CTNNA2: variants seen among roughly 807,000 people sequenced by gnomAD.
The protein encoded by CTNNA2 is catenin alpha 2, also known as catenin alpha-2.
A neutral mutation model predicts 101.0 loss-of-function variants in CTNNA2; 42 were observed. The ratio of observed to expected loss-of-function variants is 0.42; its 90% confidence interval spans 0.32 to 0.54. CTNNA2 has a LOEUF of 0.54. Among genes scored for constraint, CTNNA2 ranks in the 20% least tolerant of loss-of-function variants. The pLI is 0.14. For synonymous variants in CTNNA2, 450 were observed against 456.4 expected, an observed-to-expected ratio of 0.99 and a Z score of 0.18; for missense variants, 871 against 1,223.1, an observed-to-expected ratio of 0.71 and a Z score of 4.29.
intron 18 of CTNNA2, among the ~76,000 whole-genome samples, chr2:80,636,470 A>G (rs983213213): frequency 6.6e-6 from 1 of 152,142 alleles, no homozygotes; most frequent in Non-Finnish European, 1.5e-5. Flanking sequence ...TTTGGTAGGC[A>G]CTTCCAAACA....
At chr2:80,282,861 T>A (rs1295938292) in intron 7 of CTNNA2, among the ~76,000 whole-genome samples, 2 of 152,056 alleles carry the variant, frequency 1.3e-5, no homozygotes, top group African/African-American at 4.8e-5. Context: ...GCACTCCAGA[T>A]GGTTCAAGTT....
At chr2:79,817,316 C>CTT (rs550422225) in intron 3 of CTNNA2, among the ~76,000 whole-genome samples, 2,256 of 73,542 alleles carry the variant, frequency 0.031, 263 homozygotes, top group African/African-American at 0.064. Context: ...TTCTCTCTCA[C>CTT]TTTTTTTTTT....
chr2:80,306,432 C>A (rs984627582), intron 7 of CTNNA2, among the ~76,000 whole-genome samples: 1 of 141,600 alleles, frequency 7.1e-6, no homozygotes, highest in Non-Finnish European at 1.5e-5. Context: ...TTCTTTCTTT[C>A]TTTCTTTCTT....
chr2:80,615,339 TTTG>T (rs1181366770), intron 17 of CTNNA2, among the ~76,000 whole-genome samples: 1 of 151,620 alleles, frequency 6.6e-6, no homozygotes, highest in Non-Finnish European at 1.5e-5. Context: ...GCTGCATTTA[TTTG>T]TTGTTCACAT....
At chr2:79,443,169 C>T (rs1003957769) in intron 4 of CTNNA2, among the ~76,000 whole-genome samples, 3 of 152,006 alleles carry the variant, frequency 2.0e-5, no homozygotes, top group African/African-American at 7.2e-5. Flanking sequence ...GTGAAGAATT[C>T]TGACAAAATT....
intron 3 of CTNNA2, among the ~76,000 whole-genome samples, chr2:79,843,067 A>C (rs1378816610): frequency 1.3e-5 from 2 of 152,230 alleles, no homozygotes; most frequent in East Asian, 3.8e-4. Context: ...GAGGAATCTC[A>C]ATTGTAATTT....
At chr2:79,634,273 A>AT (rs555245252) in intron 1 of CTNNA2, among the ~76,000 whole-genome samples, 135 of 152,056 alleles carry the variant, frequency 8.9e-4, no homozygotes, top group African/African-American at 3.0e-3. Flanking sequence ...TCAAGTTCTG[A>AT]TTTTTTTTCC....
intron 7 of CTNNA2, among the ~76,000 whole-genome samples, chr2:80,338,357 A>G (rs1671941876): frequency 6.6e-6 from 1 of 151,152 alleles, no homozygotes; most frequent in Non-Finnish European, 1.5e-5. Flanking sequence ...AAAGGATTAA[A>G]AGAGGGAATA....
intron 3 of CTNNA2, among the ~76,000 whole-genome samples, chr2:79,340,493 C>T (rs1404057085): frequency 6.6e-6 from 1 of 151,978 alleles, no homozygotes; most frequent in South Asian, 2.1e-4. Flanking sequence ...ATTATCAGCC[C>T]CAATATGAAG....
intron 7 of CTNNA2, among the ~76,000 whole-genome samples, chr2:80,158,971 T>C (rs141263310): frequency 2.0e-5 from 3 of 152,084 alleles, no homozygotes; most frequent in Non-Finnish European, 2.9e-5. Context: ...CATTTGGGGA[T>C]TGGGATTCCT....
At chr2:79,710,361 A>T (rs901843406) in intron 2 of CTNNA2, among the ~76,000 whole-genome samples, 1 of 152,172 alleles carries the variant, frequency 6.6e-6, no homozygotes, top group African/African-American at 2.4e-5. Context: ...ATATGCTTAC[A>T]CTGAATTAGT....
intron 12 of CTNNA2, among the ~76,000 whole-genome samples, chr2:80,569,800 A>T (rs1479164599): frequency 6.7e-6 from 1 of 148,536 alleles, no homozygotes; most frequent in Non-Finnish European, 1.5e-5. Flanking sequence ...CCGCCACCAC[A>T]CCCAGCTAAT....
chr2:80,520,689 C>G (rs1689471407), intron 9 of CTNNA2, among the ~76,000 whole-genome samples: 1 of 152,136 alleles, frequency 6.6e-6, no homozygotes, highest in Non-Finnish European at 1.5e-5. Context: ...CTTAATTAGC[C>G]CCCAAGGGCT....
intron 7 of CTNNA2, among the ~76,000 whole-genome samples, chr2:80,070,575 G>T (rs1281534135): frequency 6.6e-6 from 1 of 151,948 alleles, no homozygotes; most frequent in African/African-American, 2.4e-5. Flanking sequence ...AAATTAGCTG[G>T]GTGTGGTGGT....
At chr2:79,638,727 A>T (rs1294779824) in intron 1 of CTNNA2, among the ~76,000 whole-genome samples, 1 of 152,202 alleles carries the variant, frequency 6.6e-6, no homozygotes, top group African/African-American at 2.4e-5. Flanking sequence ...ATTCCTTTTT[A>T]ACTCACCAGC....
intron 4 of CTNNA2, among the ~76,000 whole-genome samples, chr2:79,451,563 TA>T (rs566808726): frequency 2.6e-5 from 4 of 151,490 alleles, no homozygotes; most frequent in Non-Finnish European, 3.0e-5. Context: ...AGACTGGAGT[TA>T]AAAAAAATAC....
chr2:79,521,633 C>A (rs1243956535), intron 1 of CTNNA2, among the ~76,000 whole-genome samples: 1 of 152,070 alleles, frequency 6.6e-6, no homozygotes, highest in East Asian at 1.9e-4. Flanking sequence ...AGTAGCAATT[C>A]TTTTAATGAG....
intron 9 of CTNNA2, among the ~76,000 whole-genome samples, chr2:80,438,856 C>T (rs1344754740): frequency 6.6e-6 from 1 of 152,094 alleles, no homozygotes; most frequent in Non-Finnish European, 1.5e-5. Context: ...CACAGGAGAC[C>T]TTGTTTGCTA....
At chr2:79,456,821 C>T (rs1303106034) in intron 4 of CTNNA2, among the ~76,000 whole-genome samples, 1 of 151,980 alleles carries the variant, frequency 6.6e-6, no homozygotes, top group Non-Finnish European at 1.5e-5. Flanking sequence ...TTGTTTTTAC[C>T]CTTGTGGAAA....
Sources: gnomAD v4.1 joint callset for allele counts (sites outside exome capture counted in the v4.1 genomes callset) on GRCh38, gnomAD v4.1.1 for gene constraint, MANE v1.5 for transcripts, NCBI Gene and HGNC (gene_info 2026-07-23, HGNC 2026-07-21) for gene names.